RNF115: variants seen among roughly 807,000 people sequenced by gnomAD.
The protein encoded by RNF115 is ring finger protein 115, also known as E3 ubiquitin-protein ligase RNF115.
RNF115 carries 31 observed loss-of-function variants against 39.2 expected under a neutral mutation model. The observed-to-expected ratio is 0.79, with a 90% CI of 0.59 to 1.07. RNF115 has a LOEUF of 1.07. RNF115 is among the 50% of genes least tolerant of loss of function. The pLI, the probability that RNF115 is intolerant of heterozygous loss-of-function variation, is 0.00. For missense variants in RNF115, 384 were observed against 381.7 expected, an observed-to-expected ratio of 1.01 and a Z score of -0.05; for synonymous variants, 124 against 131.0, an observed-to-expected ratio of 0.95 and a Z score of 0.37.
chr1:145,774,048 A>G (rs1245412501), intron 3 of RNF115, among the ~76,000 whole-genome samples: 1 of 152,076 alleles, frequency 6.6e-6, no homozygotes, highest in Admixed American at 6.6e-5. Context: ...CTGGCGAAGT[A>G]TTTGCTTGGC....
rs1553712317 is a variant in RNF115, at chr1:145,750,454, T to C, written c.620A>G (p.Glu207Gly). ...ENTGPPPADKEKITSLPTVTV... is the reference protein window; with the variant it reads ...ENTGPPPADKGKITSLPTVTV... The stretch of plus-strand genomic sequence containing the variant: ...CACTGTTGGAAGAGATGTGATCTTT[T>C]CCTTGTCAGCTGGGGGAGGGCCTGT... The change falls in exon 7 of 9, where the codon GAA becomes GGA. Residue 207 changes from glutamate (E) to glycine (G), a missense_variant. Glu to Gly is a moderately conservative substitution (Grantham distance 98). Transcript: ENST00000582693. 1.9e-6 allele frequency: 3 copies of C among 1,614,128 alleles called. No individual in the cohort carries two copies. The highest frequency in any genetic ancestry group is 2.5e-6 in the Non-Finnish European group (3 of 1,179,990).
chr1:145,769,139 A>G (rs1553715409), intron 4 of RNF115, among the ~76,000 whole-genome samples: 1 of 152,186 alleles, frequency 6.6e-6, no homozygotes, highest in Non-Finnish European at 1.5e-5. Flanking sequence ...GTAAACAGTT[A>G]AAAATCTCAC....
At chr1:145,784,384 A>T (rs587609189) in intron 3 of RNF115, among the ~76,000 whole-genome samples, 155 bp downstream of exon 3, 2 of 152,326 alleles carry the variant, frequency 1.3e-5, no homozygotes, top group African/African-American at 4.8e-5. Flanking sequence ...CAGCTACTGA[A>T]AACACAAATC....
At chr1:145,763,398 A>C (rs587648594) in intron 4 of RNF115, among the ~76,000 whole-genome samples, 1 of 152,286 alleles carries the variant, frequency 6.6e-6, no homozygotes, top group African/African-American at 2.4e-5. Context: ...AGAGTAAAGC[A>C]CAATAAAATA....
intron 3 of RNF115, among the ~76,000 whole-genome samples, chr1:145,779,507 A>G (rs1553717009): frequency 6.6e-6 from 1 of 152,092 alleles, no homozygotes; most frequent in African/African-American, 2.4e-5. Flanking sequence ...AGACAAGTAA[A>G]AGGTTTATGA....
chr1:145,802,158 C>A lies in RNF115; in HGVS notation c.103-13192G>T, dbSNP rs201807031. Among the ~76,000 whole-genome samples, 3 of 152,186 alleles carry A rather than the reference C, an allele frequency of 2.0e-5. No homozygotes were observed. In the East Asian group the frequency reaches 5.8e-4, roughly 29 times the overall value. On this transcript the variant is annotated intron_variant, in intron 1 of 8. Coordinates refer to ENST00000582693, the MANE Select transcript of RNF115 (RefSeq NM_014455.4). Reference sequence around the variant, plus strand: ...AACCTAAGTTACTTACCTAGAATCACTGGAAACAGGAACCCAACTGTTTCC... The same window carrying A: ...AACCTAAGTTACTTACCTAGAATCAATGGAAACAGGAACCCAACTGTTTCC...
chr1:145,778,305 T>C, intron 3 of RNF115, among the ~76,000 whole-genome samples: 1 of 152,222 alleles, frequency 6.6e-6, no homozygotes, highest in Non-Finnish European at 1.5e-5. Context: ...GAAAATAGAT[T>C]GGTGGTTGCC....
At chr1:145,808,295 C>T (rs1649544871) in intron 1 of RNF115, among the ~76,000 whole-genome samples, 1 of 152,116 alleles carries the variant, frequency 6.6e-6, no homozygotes, top group South Asian at 2.1e-4. Context: ...TACTAATTTA[C>T]ATTCTCATCA....
chr1:145,788,400 A>C (rs1553718422), intron 2 of RNF115, among the ~76,000 whole-genome samples: 1 of 152,188 alleles, frequency 6.6e-6, no homozygotes, highest in East Asian at 1.9e-4. Flanking sequence ...TAATAAGAAC[A>C]AGAGATTCAA....
intron 1 of RNF115, among the ~76,000 whole-genome samples, chr1:145,816,860 C>T (rs1322349094): frequency 5.1e-5 from 5 of 98,640 alleles, no homozygotes; most frequent in African/African-American, 1.6e-4. Flanking sequence ...CCTCAAATAT[C>T]CTGGGCTCAA....
intron 1 of RNF115, among the ~76,000 whole-genome samples, chr1:145,801,917 A>G (rs1649265719): frequency 6.6e-6 from 1 of 152,094 alleles, no homozygotes; most frequent in Non-Finnish European, 1.5e-5. Flanking sequence ...CCTCCCGAGT[A>G]GCTGGGACTA....
intron 1 of RNF115, among the ~76,000 whole-genome samples, chr1:145,791,615 C>A (rs1395770644): frequency 6.6e-6 from 1 of 152,008 alleles, no homozygotes; most frequent in African/African-American, 2.4e-5. Flanking sequence ...ATTCTATCTT[C>A]TGTTTATCAA....
intron 4 of RNF115, among the ~76,000 whole-genome samples, chr1:145,770,185 CATTCTT>C (rs1553715543): frequency 6.6e-6 from 1 of 152,152 alleles, no homozygotes; most frequent in African/African-American, 2.4e-5. Context: ...AATCATTAGT[CATTCTT>C]AATTAAAAGC....
At chr1:145,815,287 C>A (rs1218884925) in intron 1 of RNF115, among the ~76,000 whole-genome samples, 6 of 152,296 alleles carry the variant, frequency 3.9e-5, no homozygotes, top group Non-Finnish European at 5.9e-5. Flanking sequence ...GGGAGAGAAG[C>A]CTACTACATA....
At chr1:145,775,680 C>T (rs960581810) in intron 3 of RNF115, among the ~76,000 whole-genome samples, 8 of 152,178 alleles carry the variant, frequency 5.3e-5, no homozygotes, top group African/African-American at 1.9e-4. Context: ...AACCATGAGC[C>T]TCTGTGCCCC....
chr1:145,743,398 TA>T lies in RNF115; in HGVS notation c.*3467del, dbSNP rs1346161831. 1 of 152,316 alleles carries T rather than the reference TA, an allele frequency of 6.6e-6. No homozygotes were observed. The highest frequency in any genetic ancestry group is 2.4e-5 in the African/African-American group (1 of 41,428). 9.4% of individuals were successfully genotyped at this position (152,316 alleles called of 1,614,324 possible). On this transcript the variant is annotated 3_prime_UTR_variant, in exon 9 of 9. Transcript: ENST00000582693. ...TCCAAGCTGGCCTTCAGACTGGAAC[TA>T]CACCATCAGCTCTCCTGGATCTCTA... is the stretch of plus-strand genomic sequence containing the variant.
intron 4 of RNF115, among the ~76,000 whole-genome samples, chr1:145,767,051 C>T (rs1375858083): frequency 6.7e-5 from 9 of 134,522 alleles, no homozygotes; most frequent in Non-Finnish European, 1.1e-4. Context: ...CCGGACGGGG[C>T]GGCTGGCAGG....
intron 4 of RNF115, among the ~76,000 whole-genome samples, chr1:145,764,610 C>A (rs1447410770): frequency 1.0e-3 from 158 of 151,772 alleles, no homozygotes; most frequent in African/African-American, 3.5e-3. Context: ...CCGGCAGCCG[C>A]CCCGTCTGGG....
At chr1:145,758,935 G>T (rs1202045222) in intron 4 of RNF115, among the ~76,000 whole-genome samples, 1 of 152,128 alleles carries the variant, frequency 6.6e-6, no homozygotes, top group East Asian at 1.9e-4. Context: ...AAATGTCTGG[G>T]GAAGATGTGG....
Sources: allele counts gnomAD v4.1 joint callset (sites outside exome capture counted in the v4.1 genomes callset), GRCh38; gene constraint gnomAD v4.1.1; transcripts MANE v1.5; gene names NCBI Gene and HGNC (gene_info 2026-07-23, HGNC 2026-07-21).